Variants in OSBPL11 observed in about 807,000 individuals in gnomAD.
OSBPL11 encodes the protein oxysterol binding protein like 11.
Under a neutral mutation model 84.4 loss-of-function variants are expected in OSBPL11, and 33 were observed. The ratio of observed to expected loss-of-function variants is 0.39; its 90% CI spans 0.30 to 0.52. The LOEUF (loss-of-function observed/expected upper bound fraction) is 0.52. OSBPL11 is among the 20% of genes least tolerant of loss of function. The probability of loss-of-function intolerance (pLI) is 0.72; values close to 1 mark genes in which losing one functional copy is unlikely to be tolerated. For synonymous variants in OSBPL11, 276 were observed against 310.2 expected (o/e 0.89, Z 1.16); for missense variants, 736 against 901.1 (o/e 0.82, Z 2.35).
chr3:125,575,169 A>C (rs1936302841), intron 5 of OSBPL11, among the ~76,000 whole-genome samples: 1 of 152,144 alleles, frequency 6.6e-6, no homozygotes. Context: ...GTGTTCTGTA[A>C]TATATATATT....
chr3:125,565,481 G>A (rs1316438874), intron 6 of OSBPL11, among the ~76,000 whole-genome samples: 1 of 152,094 alleles, frequency 6.6e-6, no homozygotes, highest in Non-Finnish European at 1.5e-5. Context: ...AATAGCATAT[G>A]ATTGGAAAAC....
chr3:125,593,305 C>T (rs928130591), intron 1 of OSBPL11, among the ~76,000 whole-genome samples: 1 of 152,120 alleles, frequency 6.6e-6, no homozygotes, highest in African/African-American at 2.4e-5. Flanking sequence ...TCTTCTTATC[C>T]TACAGTCACT....
At chr3:125,564,347 C>T (rs919456805) in intron 6 of OSBPL11, among the ~76,000 whole-genome samples, 8 of 152,116 alleles carry the variant, frequency 5.3e-5, no homozygotes, top group African/African-American at 1.7e-4. Context: ...TGTCCTTTTT[C>T]GAAATCATTT....
At chr3:125,542,260 T>C (rs1045742751) in intron 10 of OSBPL11, among the ~76,000 whole-genome samples, 10 of 152,086 alleles carry the variant, frequency 6.6e-5, no homozygotes, top group Non-Finnish European at 8.8e-5. Flanking sequence ...GAAAGGTATA[T>C]TTAAAAAGTT....
chr3:125,578,952 C>T lies in OSBPL11; in HGVS notation c.489+8G>A. On this transcript the variant is annotated splice_region_variant and intron_variant, in intron 4 of 12. Transcript: ENST00000296220. ...TTGTATATTAATATTGTATATAAAT[C>T]TACATACCTTTCCAATAGCTTCAGT... The T allele has an allele frequency of 6.7e-7, 1 of 1,495,142 alleles. No homozygotes were observed. The highest frequency in any genetic ancestry group is 2.3e-5 in the East Asian group (1 of 42,752). The allele number at this position is 1,495,142 out of a possible 1,614,324, so 92.6% of individuals were successfully genotyped here.
At chr3:125,571,736 G>A (rs904514860) in intron 5 of OSBPL11, among the ~76,000 whole-genome samples, 5 of 152,180 alleles carry the variant, frequency 3.3e-5, no homozygotes, top group Admixed American at 6.5e-5. Flanking sequence ...TTGGGGTTTG[G>A]GAACCTCTGC....
chr3:125,585,970 C>T (rs954486653), intron 1 of OSBPL11, among the ~76,000 whole-genome samples: 4 of 152,132 alleles, frequency 2.6e-5, no homozygotes, highest in African/African-American at 9.7e-5. Context: ...GGTGTAGTGC[C>T]TCATGCCTGT....
At chr3:125,592,160 C>T (rs915155081) in intron 1 of OSBPL11, among the ~76,000 whole-genome samples, 1 of 152,130 alleles carries the variant, frequency 6.6e-6, no homozygotes, top group Admixed American at 6.5e-5. Context: ...TCAAGCAATC[C>T]TTCCACCTCA....
intron 1 of OSBPL11, among the ~76,000 whole-genome samples, chr3:125,586,464 T>C (rs920281615): frequency 1.3e-5 from 2 of 152,166 alleles, no homozygotes; most frequent in Admixed American, 1.3e-4. Context: ...TTAAATATCT[T>C]AAAAATAACT....
chr3:125,564,120 G>A (rs946630824), intron 6 of OSBPL11, among the ~76,000 whole-genome samples: 4 of 152,286 alleles, frequency 2.6e-5, no homozygotes, highest in East Asian at 3.9e-4. Context: ...TGTGAATCAC[G>A]AAGTATATTC....
At chr3:125,578,917 TTCC>T (rs754267178) in intron 4 of OSBPL11, 40 bp downstream of exon 4, 2 of 1,246,168 alleles carry the variant, frequency 1.6e-6, no homozygotes, top group Non-Finnish European at 2.2e-6. Context: ...AAAATATTCC[TTCC>T]TCATTTTTGT....
At chr3:125,531,808 A>G in intron 12 of OSBPL11, 53 bp downstream of exon 12, 5 of 1,519,306 alleles carry the variant, frequency 3.3e-6, no homozygotes, top group Non-Finnish European at 4.4e-6. Context: ...CTAGTAAGCT[A>G]AAGTTCTCAG....
chr3:125,590,287 C>A (rs1580067842), intron 1 of OSBPL11, among the ~76,000 whole-genome samples: 1 of 152,200 alleles, frequency 6.6e-6, no homozygotes, highest in South Asian at 2.1e-4. Flanking sequence ...CGGTGGCTCA[C>A]GCCTGTAATC....
At chr3:125,594,326 A>G (rs1423939467) in intron 1 of OSBPL11, among the ~76,000 whole-genome samples, 2 of 152,264 alleles carry the variant, frequency 1.3e-5, no homozygotes, top group African/African-American at 4.8e-5. Flanking sequence ...GCTTGTAAAT[A>G]AATTGCAACA....
At chr3:125,564,283 T>C (rs974336450) in intron 6 of OSBPL11, among the ~76,000 whole-genome samples, 2 of 152,220 alleles carry the variant, frequency 1.3e-5, no homozygotes, top group South Asian at 2.1e-4. Flanking sequence ...TCAGCAACAA[T>C]TGTCTAACCA....
chr3:125,560,602 G>A (rs1189434844), intron 7 of OSBPL11, 83 bp from the exon 8 acceptor site: 1 of 1,229,196 alleles, frequency 8.1e-7, no homozygotes, highest in Non-Finnish European at 1.1e-6. Flanking sequence ...TATCAGACTT[G>A]AAGACATTTG....
intron 4 of OSBPL11, 28 bp downstream of exon 4, chr3:125,578,932 T>C (rs1489531000): frequency 2.2e-5 from 29 of 1,339,168 alleles, no homozygotes; most frequent in Non-Finnish European, 2.7e-5. Flanking sequence ...CATTTTTGTA[T>C]ATTAATATTG....
At chr3:125,542,037 A>G (rs1935736339) in intron 10 of OSBPL11, among the ~76,000 whole-genome samples, 1 of 152,262 alleles carries the variant, frequency 6.6e-6, no homozygotes, top group African/African-American at 2.4e-5. Context: ...GCTATGATAT[A>G]CAAATAAAAG....
At chr3:125,586,932 A>G (rs563053344) in intron 1 of OSBPL11, among the ~76,000 whole-genome samples, 1 of 152,328 alleles carries the variant, frequency 6.6e-6, no homozygotes, top group East Asian at 1.9e-4. Flanking sequence ...CTCAATACCT[A>G]CTAAAGCACA....
Sources: gnomAD v4.1 joint callset for allele counts (sites outside exome capture counted in the v4.1 genomes callset) on GRCh38, gnomAD v4.1.1 for gene constraint, MANE v1.5 for transcripts, NCBI Gene and HGNC (gene_info 2026-07-23, HGNC 2026-07-21) for gene names.